The following SPTLC3 variants were observed in gnomAD, a reference collection of about 807,000 sequenced individuals.
The protein encoded by SPTLC3 is serine palmitoyltransferase long chain base subunit 3.
Under a neutral mutation model 59.3 loss-of-function variants are expected in SPTLC3, and 36 were observed. The observed-to-expected ratio is 0.61, with a 90% CI of 0.47 to 0.80. The LOEUF (loss-of-function observed/expected upper bound fraction) is 0.80. SPTLC3 is among the 30% of genes least tolerant of loss of function. SPTLC3 has a pLI of 0.00. For synonymous variants in SPTLC3, 257 were observed against 240.8 expected, an observed-to-expected ratio of 1.07 and a Z score of -0.62; for missense variants, 625 against 685.1, an observed-to-expected ratio of 0.91 and a Z score of 0.98.
At chr20:13,058,767 A>T (rs1405422153) in intron 2 of SPTLC3, among the ~76,000 whole-genome samples, 2 of 152,188 alleles carry the variant, frequency 1.3e-5, no homozygotes, top group African/African-American at 2.4e-5. Flanking sequence ...GTAGCTATAA[A>T]CAAGCTCCCA....
At chr20:13,153,062 C>T (rs529863414) in intron 9 of SPTLC3, among the ~76,000 whole-genome samples, 7 of 152,286 alleles carry the variant, frequency 4.6e-5, no homozygotes, top group East Asian at 1.9e-4. Context: ...ACATTCCTGC[C>T]GAACAGCAAT....
chr20:13,146,927 C>T (rs1441614034), intron 9 of SPTLC3, among the ~76,000 whole-genome samples: 1 of 152,218 alleles, frequency 6.6e-6, no homozygotes, highest in African/African-American at 2.4e-5. Flanking sequence ...GATCTCCAAG[C>T]CTCTGTTTCC....
At chr20:13,017,658 T>C (rs1600204921) in intron 1 of SPTLC3, among the ~76,000 whole-genome samples, 1 of 152,184 alleles carries the variant, frequency 6.6e-6, no homozygotes, top group Non-Finnish European at 1.5e-5. Context: ...TCATTAGTGT[T>C]AGTGTATTTT....
intron 4 of SPTLC3, among the ~76,000 whole-genome samples, chr20:13,085,238 T>C (rs1002283971): frequency 5.9e-5 from 9 of 152,046 alleles, no homozygotes; most frequent in African/African-American, 2.2e-4. Flanking sequence ...TCTCGGAATA[T>C]TGGCCAGAAA....
At chr20:13,035,138 A>G (rs1986677518) in intron 1 of SPTLC3, among the ~76,000 whole-genome samples, 1 of 151,788 alleles carries the variant, frequency 6.6e-6, no homozygotes, top group African/African-American at 2.4e-5. Flanking sequence ...TCTATGTACC[A>G]TTTGTCAGCT....
chr20:13,082,821 T>A (rs1228942867), intron 4 of SPTLC3, among the ~76,000 whole-genome samples: 2 of 152,188 alleles, frequency 1.3e-5, no homozygotes, highest in African/African-American at 4.8e-5. Context: ...TAGAGCCAAA[T>A]ATATTAAGAA....
At chr20:13,110,903 G>T (rs1267304271) in intron 7 of SPTLC3, among the ~76,000 whole-genome samples, 1 of 151,766 alleles carries the variant, frequency 6.6e-6, no homozygotes, top group Non-Finnish European at 1.5e-5. Context: ...AGGAAGTGAA[G>T]GCTGTTCAAC....
chr20:13,140,864 C>T (rs113894117), intron 9 of SPTLC3, among the ~76,000 whole-genome samples: 23 of 152,188 alleles, frequency 1.5e-4, no homozygotes, highest in African/African-American at 4.3e-4. Context: ...TCACTTTGTG[C>T]GAATTATTTC....
intron 10 of SPTLC3, among the ~76,000 whole-genome samples, chr20:13,158,051 C>T (rs1284808348): frequency 6.6e-6 from 1 of 152,182 alleles, no homozygotes; most frequent in East Asian, 1.9e-4. Flanking sequence ...ACCCATAAAA[C>T]ATACACTTAA....
chr20:13,085,839 A>G (rs2122609019), intron 4 of SPTLC3, among the ~76,000 whole-genome samples: 1 of 152,304 alleles, frequency 6.6e-6, no homozygotes, highest in African/African-American at 2.4e-5. Flanking sequence ...GGCACATGAA[A>G]ATACCACTTA....
At chr20:13,164,355 A>G (rs1233973682) in intron 11 of SPTLC3, 1 of 472,358 alleles carries the variant, frequency 2.1e-6, no homozygotes, top group Non-Finnish European at 4.4e-6. Flanking sequence ...GTTCTTGGCC[A>G]GGTGATTTGC....
intron 4 of SPTLC3, among the ~76,000 whole-genome samples, chr20:13,074,744 G>A (rs535588876): frequency 1.3e-5 from 2 of 152,286 alleles, no homozygotes; most frequent in Admixed American, 6.5e-5. Context: ...ATCTAAAATA[G>A]CAACACTGTG....
chr20:13,057,199 A>G (rs1987765842), intron 2 of SPTLC3, among the ~76,000 whole-genome samples: 2 of 152,198 alleles, frequency 1.3e-5, no homozygotes, highest in Admixed American at 1.3e-4. Flanking sequence ...AATGAGCATT[A>G]TTCTATTCTA....
At chr20:13,053,292 A>C (rs955715296) in intron 2 of SPTLC3, among the ~76,000 whole-genome samples, 7 of 152,310 alleles carry the variant, frequency 4.6e-5, no homozygotes, top group Non-Finnish European at 8.8e-5. Context: ...GCAGACCTGC[A>C]GCAGAGGGGC....
At chr20:13,119,265 C>G (rs1990766689) in intron 8 of SPTLC3, among the ~76,000 whole-genome samples, 1 of 152,186 alleles carries the variant, frequency 6.6e-6, no homozygotes, top group Non-Finnish European at 1.5e-5. Flanking sequence ...CGAAGCAAGC[C>G]AATTCTTGAA....
chr20:13,065,148 T>G (rs1988145218), intron 2 of SPTLC3, among the ~76,000 whole-genome samples: 1 of 152,060 alleles, frequency 6.6e-6, no homozygotes, highest in African/African-American at 2.4e-5. Flanking sequence ...GGGTTTGATA[T>G]TACAATAAAC....
intron 1 of SPTLC3, among the ~76,000 whole-genome samples, chr20:13,031,273 G>C (rs1348904123): frequency 6.6e-6 from 1 of 152,160 alleles, no homozygotes; most frequent in Non-Finnish European, 1.5e-5. Flanking sequence ...TTGAAATGTG[G>C]CTAGTGCAAT....
rs1319376620 is a variant in SPTLC3, at chr20:13,165,963, C to T, written c.*1096C>T. 1 of 152,356 alleles carries T rather than the reference C, an allele frequency of 6.6e-6. No homozygotes were observed. Among genetic ancestry groups the T allele is most frequent in the African/African-American group, 2.4e-5 (1 of 41,456 alleles). 9.4% of individuals were successfully genotyped at this position (152,356 alleles called of 1,614,324 possible). A position where few individuals can be genotyped will look rare whatever the true frequency, so the allele number is the denominator to read the frequency against. On this transcript the variant is annotated 3_prime_UTR_variant, in exon 12 of 12. Transcript: ENST00000399002. Reference sequence around the variant, plus strand: ...ACTAACTGTAATTTACTTGTGTTCTCTCTTTCTTGCTCTCCTTCTCAACAT... The same window carrying T: ...ACTAACTGTAATTTACTTGTGTTCTTTCTTTCTTGCTCTCCTTCTCAACAT...
rs899243036 is a variant in SPTLC3, at chr20:13,165,125, T to G, written c.*258T>G. ...ACACACACACACACACACACACTTCTGAGAATATTTTTAATGGCAATAAGC... is the reference window on the plus strand; with the variant it reads ...ACACACACACACACACACACACTTCGGAGAATATTTTTAATGGCAATAAGC... On this transcript the variant is annotated 3_prime_UTR_variant, in exon 12 of 12. Coordinates refer to ENST00000399002, the MANE Select transcript of SPTLC3 (RefSeq NM_018327.4). 5 of 357,524 alleles carry G rather than the reference T, an allele frequency of 1.4e-5. No individual in the cohort carries two copies. In the South Asian group the frequency reaches 2.5e-4, roughly 18 times the overall value. The allele number at this position is 357,524 out of a possible 1,614,324, so 22.1% of individuals were successfully genotyped here.
Sources: gnomAD v4.1 joint callset for allele counts (sites outside exome capture counted in the v4.1 genomes callset) on GRCh38, gnomAD v4.1.1 for gene constraint, MANE v1.5 for transcripts, NCBI Gene and HGNC (gene_info 2026-07-23, HGNC 2026-07-21) for gene names.